CUX1: variants seen among roughly 807,000 people sequenced by gnomAD.
CUX1 encodes protein CASP.
In CUX1, 31 loss-of-function variants were observed where a neutral mutation model predicts 158.8. That is an observed-to-expected ratio of 0.20 (90% confidence interval 0.15 to 0.26). The LOEUF (loss-of-function observed/expected upper bound fraction) is 0.26. CUX1 is among the 10% of genes least tolerant of loss of function. The pLI, the probability that CUX1 is intolerant of heterozygous loss-of-function variation, is 1.00. For missense variants in CUX1, 1,589 were observed against 2,014.6 expected (o/e 0.79, Z 4.04); for synonymous variants, 879 against 862.1 (o/e 1.02, Z -0.34).
intron 7 of CUX1, among the ~76,000 whole-genome samples, chr7:102,113,464 C>A (rs1831142123): frequency 6.6e-6 from 1 of 152,078 alleles, no homozygotes; most frequent in Non-Finnish European, 1.5e-5. Context: ...CCATGTTGGC[C>A]AAGCTGGTCT....
chr7:102,080,897 T>G (rs1554478500), intron 4 of CUX1, among the ~76,000 whole-genome samples: 1 of 152,210 alleles, frequency 6.6e-6, no homozygotes, highest in African/African-American at 2.4e-5. Flanking sequence ...AAACAAGCCC[T>G]AGACTGGCCC....
intron 1 of CUX1, among the ~76,000 whole-genome samples, chr7:101,827,584 TA>T (rs1793487888): frequency 6.6e-6 from 1 of 152,142 alleles, no homozygotes. Flanking sequence ...GAGCTGAGAT[TA>T]TAGGCATGAG....
chr7:101,880,203 C>G (rs1028964532), intron 1 of CUX1, among the ~76,000 whole-genome samples: 1 of 152,040 alleles, frequency 6.6e-6, no homozygotes, highest in Non-Finnish European at 1.5e-5. Flanking sequence ...CAAAAAACTC[C>G]GAGGAACAGG....
At chr7:102,070,255 A>T in intron 3 of CUX1, 84 bp from the exon 4 acceptor site, 1 of 1,173,312 alleles carries the variant, frequency 8.5e-7, no homozygotes, top group Non-Finnish European at 1.2e-6. Flanking sequence ...ACGGGAATTC[A>T]CTAGATGTGT....
intron 15 of CUX1, among the ~76,000 whole-genome samples, chr7:102,198,397 G>A (rs1795028342): frequency 6.6e-6 from 1 of 152,252 alleles, no homozygotes; most frequent in Non-Finnish European, 1.5e-5. Context: ...ACAGAGCAGG[G>A]AGATGTTTTG....
chr7:102,099,475 G>GGT (rs1554485601), intron 5 of CUX1, among the ~76,000 whole-genome samples: 1 of 142,782 alleles, frequency 7.0e-6, no homozygotes, highest in African/African-American at 2.6e-5. Flanking sequence ...GAGTATCCTG[G>GGT]TTTTTTTTTT....
At chr7:102,232,928 G>A (rs1233002686) in intron 21 of CUX1, among the ~76,000 whole-genome samples, 6 of 152,194 alleles carry the variant, frequency 3.9e-5, no homozygotes, top group African/African-American at 1.4e-4. Flanking sequence ...CAGAAAAGCA[G>A]AGCTGGGCAG....
intron 2 of CUX1, among the ~76,000 whole-genome samples, chr7:102,022,945 T>C (rs965434429): frequency 2.6e-5 from 4 of 152,328 alleles, no homozygotes; most frequent in African/African-American, 9.6e-5. Context: ...CCGGGTGCAG[T>C]GGCTCAAGCC....
At chr7:102,165,416 G>A (rs1790919875) in intron 9 of CUX1, among the ~76,000 whole-genome samples, 1 of 144,738 alleles carries the variant, frequency 6.9e-6, no homozygotes, top group Non-Finnish European at 1.5e-5. Flanking sequence ...TCAGTGGCGT[G>A]ATCTTGACTC....
rs1346506509 is a variant in CUX1, at chr7:102,096,659, T to C, written c.269-705T>C. 7.9e-5 allele frequency among the ~76,000 whole-genome samples: 12 copies of C among 152,150 alleles called. No homozygotes were observed. The East Asian group carries it at 1.9e-3, about 24-fold the overall frequency. ...AGGTGGAGGCTGCAGTGAGCCATGA[T>C]CATGCCACTGCACTCCAGCCTGGGC... On this transcript the variant is annotated intron_variant, in intron 4 of 23. Transcript: ENST00000292535.
chr7:102,230,182 G>A (rs542736725), intron 21 of CUX1, among the ~76,000 whole-genome samples: 5 of 152,194 alleles, frequency 3.3e-5, no homozygotes, highest in Middle Eastern at 3.4e-3. Context: ...AAGGGAGGCC[G>A]AGCATGGTGG....
chr7:102,081,265 G>A (rs959685437), intron 4 of CUX1, among the ~76,000 whole-genome samples: 1 of 148,190 alleles, frequency 6.7e-6, no homozygotes, highest in African/African-American at 2.4e-5. Context: ...TTCCCCCCAC[G>A]TGCTCCCAAG....
At chr7:102,259,207 C>T (rs1453985907), downstream of CUX1, among the ~76,000 whole-genome samples, 1 of 152,172 alleles carries the variant, frequency 6.6e-6, no homozygotes, top group East Asian at 1.9e-4. Flanking sequence ...TCGGCAGCCC[C>T]GTGTCTGATG....
At chr7:101,894,770 AG>A (rs1801284656) in intron 1 of CUX1, among the ~76,000 whole-genome samples, 1 of 152,212 alleles carries the variant, frequency 6.6e-6, no homozygotes. Flanking sequence ...TGGTGGGGAC[AG>A]CACTGCTGTG....
intron 1 of CUX1, among the ~76,000 whole-genome samples, chr7:101,850,274 GTTTTC>G (rs928326900): frequency 2.6e-5 from 4 of 151,652 alleles, no homozygotes; most frequent in African/African-American, 7.3e-5. Context: ...GTTTTTGCAT[GTTTTC>G]TTTTCTTCAA....
intron 22 of CUX1, among the ~76,000 whole-genome samples, chr7:102,236,697 C>T (rs907224388): frequency 2.0e-5 from 3 of 152,186 alleles, no homozygotes; most frequent in East Asian, 3.9e-4. Context: ...CGTGAAGCTT[C>T]CTGCACTAGC....
At chr7:102,096,265 C>T (rs782298132) in intron 4 of CUX1, among the ~76,000 whole-genome samples, 3 of 152,222 alleles carry the variant, frequency 2.0e-5, no homozygotes, top group Non-Finnish European at 2.9e-5. Context: ...TTGGGACCTG[C>T]GGCCGCTAAC....
intron 8 of CUX1, among the ~76,000 whole-genome samples, chr7:102,122,400 C>A (rs553998590): frequency 2.1e-5 from 3 of 146,046 alleles, no homozygotes; most frequent in Non-Finnish European, 3.0e-5. Context: ...TTTTTTTTTT[C>A]TTCCTGTGTC....
intron 2 of CUX1, among the ~76,000 whole-genome samples, chr7:102,026,818 T>TAAAAAAA: frequency 1.0e-5 from 1 of 96,316 alleles, no homozygotes; most frequent in Non-Finnish European, 2.0e-5. Flanking sequence ...ACTCCGTCTT[T>TAAAAAAA]AAAAAAAAAA....
Sources: allele counts gnomAD v4.1 joint callset (sites outside exome capture counted in the v4.1 genomes callset), GRCh38; gene constraint gnomAD v4.1.1; transcripts MANE v1.5; gene names NCBI Gene and HGNC (gene_info 2026-07-23, HGNC 2026-07-21).